ZBTB18: variants seen among roughly 807,000 people sequenced by gnomAD.
ZBTB18 encodes zinc finger and BTB domain-containing protein 18.
A neutral mutation model predicts 37.7 loss-of-function variants in ZBTB18; 2 were observed. That is an observed-to-expected ratio of 0.05 (90% CI 0.02 to 0.17). The LOEUF is 0.17. ZBTB18 is among the 10% of genes least tolerant of loss of function. ZBTB18 has a pLI of 1.00. For synonymous variants in ZBTB18, 304 were observed against 276.5 expected (o/e 1.10, Z -0.99); for missense variants, 408 against 686.3 (o/e 0.59, Z 4.53).
rs1698385830 is a variant in ZBTB18 at position 244,053,142 on chromosome 1, AAGGCATT to A, written c.14-644_14-638del. 6.6e-6 allele frequency among the ~76,000 whole-genome samples: 1 copy of A among 152,216 alleles called. No individual in the cohort carries two copies. Among genetic ancestry groups the A allele is most frequent in the South Asian group, 2.1e-4 (1 of 4,838 alleles). The stretch of plus-strand genomic sequence containing the variant: ...CATGTGTGCTATACCTGCAAATCTG[AAGGCATT>A]AACATCTGTTTTTATACACAGGGCT... On this transcript the variant is annotated intron_variant, in intron 1 of 1. Coordinates refer to ENST00000358704, the MANE Select transcript of ZBTB18 (RefSeq NM_205768.3). The surrounding 1 kb of genome is among the most constrained non-coding windows in gnomAD (Gnocchi z 5.2).
Position 244,054,794 on chromosome 1 carries a change from A to C in ZBTB18, c.1020A>C (p.Lys340Asn). 1 of 1,614,124 alleles carries C rather than the reference A, an allele frequency of 6.2e-7. No homozygotes were observed. The highest frequency in any genetic ancestry group is 8.5e-7 in the Non-Finnish European group (1 of 1,180,024). The change falls in exon 2 of 2, where the codon AAA becomes AAC. Residue 340 changes from lysine (K) to asparagine (N), a missense_variant. Lys to Asn is a moderately conservative substitution (Grantham distance 94). Coordinates refer to ENST00000358704, the MANE Select transcript of ZBTB18 (RefSeq NM_205768.3). This position sits in a 1 kb window ranked among gnomAD's most constrained non-coding sequence, Gnocchi z 9.0. ...TGAGGGAGCTGGACCGGGAGGACAA[A>C]GCCAGTGATGATGAGATGATGACCC... ...SVLRELDRED[K>N]ASDDEMMTPE...
upstream of ZBTB18, among the ~76,000 whole-genome samples, chr1:244,049,729 C>T (rs1698311386): frequency 6.6e-6 from 1 of 152,180 alleles, no homozygotes; most frequent in Non-Finnish European, 1.5e-5. Flanking sequence ...CGGCGAACTA[C>T]GTAAAGATTT....
upstream of ZBTB18, chr1:244,048,917 C>T (rs1698289963): frequency 2.5e-5 from 4 of 159,526 alleles, no homozygotes; most frequent in South Asian, 5.0e-4. Context: ...GCGGCGGCGG[C>T]GGCGGCCGGG....
At chr1:244,048,949 A>AGGACGCGGCGGCGGCGG (rs1698291421), upstream of ZBTB18, 1 of 158,386 alleles carries the variant, frequency 6.3e-6, no homozygotes, top group Non-Finnish European at 1.3e-5. Context: ...GAGGAGGCGG[A>AGGACGCGGCGGCGGCGG]GGACGCGGCG....
Position 244,055,001 on chromosome 1 carries a change from C to A in ZBTB18, c.1227C>A (p.Arg409=). Residue 409 remains arginine, a synonymous_variant, in exon 2 of 2, where the codon CGC becomes CGA. Transcript: ENST00000358704. The surrounding 1 kb of genome is among the most constrained non-coding windows in gnomAD (Gnocchi z 7.0). ...ACTTCCGCGAGCAGGACGGCATCCGCAGCAAGCCCGCCGCCGATGTCAACG... is the reference window on the plus strand; with the variant it reads ...ACTTCCGCGAGCAGGACGGCATCCGAAGCAAGCCCGCCGCCGATGTCAACG... The part of the protein sequence containing the change: ...STHFREQDGI[R]SKPAADVNVP... 1 of 1,614,140 alleles carries A rather than the reference C, an allele frequency of 6.2e-7. No individual in the cohort carries two copies. Among genetic ancestry groups the A allele is most frequent in the Non-Finnish European group, 8.5e-7 (1 of 1,180,034 alleles).
upstream of ZBTB18, among the ~76,000 whole-genome samples, chr1:244,048,652 C>A (rs1405948117): frequency 1.6e-4 from 23 of 147,976 alleles, no homozygotes; most frequent in Admixed American, 4.7e-4. Flanking sequence ...CCCGCCCCCC[C>A]ACCCGGCCCG....
rs1698413953 is a variant in ZBTB18 at position 244,054,449 on chromosome 1, C to T, written c.675C>T (p.Cys225=). ...CTGGAAAAACAGTAGCCAGCCCCTGCAGCTCAACAGAGTCTTTGTCCCAGA... is the reference window on the plus strand; with the variant it reads ...CTGGAAAAACAGTAGCCAGCCCCTGTAGCTCAACAGAGTCTTTGTCCCAGA... The part of the protein sequence containing the change: ...TAAGKTVASP[C]SSTESLSQRS... The change falls in exon 2 of 2, where the codon TGC becomes TGT. Residue 225 remains cysteine, a synonymous_variant. Transcript: ENST00000358704. The surrounding 1 kb of genome is among the most constrained non-coding windows in gnomAD (Gnocchi z 9.0). 2.5e-6 allele frequency: 4 copies of T among 1,614,076 alleles called. No individual in the cohort carries two copies. The South Asian group carries it at 4.4e-5, about 18-fold the overall frequency.
At position 244,053,687 on chromosome 1, in the gene ZBTB18, T is replaced by G; in HGVS notation, c.14-101T>G. ...AGCCTGATTAAAATTCAGGGACATG[T>G]ACCACGGCGGCCAAAGCGGAATTAA... On this transcript the variant is annotated intron_variant, in intron 1 of 1. Transcript: ENST00000358704. The surrounding 1 kb of genome is among the most constrained non-coding windows in gnomAD (Gnocchi z 5.2). 1 of 1,499,814 alleles carries G rather than the reference T, an allele frequency of 6.7e-7. No individual in the cohort carries two copies. Among genetic ancestry groups the G allele is most frequent in the Non-Finnish European group, 8.9e-7 (1 of 1,123,164 alleles). The allele number at this position is 1,499,814 out of a possible 1,614,324, so 92.9% of individuals were successfully genotyped here.
chr1:244,049,498 G>T (rs1383575649), upstream of ZBTB18, among the ~76,000 whole-genome samples: 3 of 151,546 alleles, frequency 2.0e-5, no homozygotes, highest in South Asian at 4.1e-4. Context: ...TGGTGCAGTT[G>T]CCCGGAGGCC....
rs561551983 is a variant in ZBTB18, at chr1:244,055,519, A to C, written c.*149A>C. ...TTTTGCACTTTAGAATAGCATGAGA[A>C]TCTCACTAATTTAGCATTCTGATAA... is the stretch of plus-strand genomic sequence containing the variant. On this transcript the variant is annotated 3_prime_UTR_variant, in exon 2 of 2. Transcript: ENST00000358704. This position sits in a 1 kb window ranked among gnomAD's most constrained non-coding sequence, Gnocchi z 7.0. The C allele has an allele frequency of 5.2e-5, 11 of 213,138 alleles. No homozygotes were observed. Among genetic ancestry groups the C allele is most frequent in the African/African-American group, 2.3e-4 (10 of 42,640 alleles). 13.2% of individuals were successfully genotyped at this position (213,138 alleles called of 1,614,324 possible).
intron 1 of ZBTB18, among the ~76,000 whole-genome samples, chr1:244,052,086 G>T (rs1473834144): frequency 6.6e-6 from 1 of 152,086 alleles, no homozygotes; most frequent in East Asian, 1.9e-4. Flanking sequence ...TTGTGTTAGC[G>T]ACTAATTTAG....
chr1:244,055,297 A>G lies in ZBTB18; in HGVS notation c.1523A>G (p.Lys508Arg), dbSNP rs765539721. 6 of 1,613,576 alleles carry G rather than the reference A, an allele frequency of 3.7e-6. No homozygotes were observed. The highest frequency in any genetic ancestry group is 2.2e-5 in the East Asian group (1 of 44,880). Residue 508 changes from lysine (K) to arginine (R), a missense_variant, in exon 2 of 2, where the codon AAA (lysine) becomes AGA (arginine). By Grantham distance (26) the Lys-to-Arg change is conservative. This residue lies in a region of ZBTB18 where 22 missense variants were observed against 38.3 expected (regional missense o/e 0.57). Coordinates refer to ENST00000358704, the MANE Select transcript of ZBTB18 (RefSeq NM_205768.3). This position sits in a 1 kb window ranked among gnomAD's most constrained non-coding sequence, Gnocchi z 7.0. The part of the protein sequence containing the change: ...HCELVNSLSV[K>R]SEALSLPTVR... The stretch of plus-strand genomic sequence containing the variant: ...GAGTTGGTGAACTCCTTGTCGGTCA[A>G]AAGCGAAGCACTGAGCTTGCCTACT...
chr1:244,048,685 GCTCGCTCCC>G (rs1698285166), upstream of ZBTB18, among the ~76,000 whole-genome samples: 1 of 120,522 alleles, frequency 8.3e-6, no homozygotes, highest in Admixed American at 9.2e-5. Flanking sequence ...TCGCTCCCTC[GCTCGCTCCC>G]TCGCTGTGTC....
Position 244,054,027 on chromosome 1 carries a change from G to A in ZBTB18, c.253G>A (p.Ala85Thr), listed in dbSNP as rs755047520. The change falls in exon 2 of 2, where the codon GCT becomes ACT. Residue 85 changes from alanine (A) to threonine (T), a missense_variant. Ala to Thr is a moderately conservative substitution (Grantham distance 58). Coordinates refer to ENST00000358704, the MANE Select transcript of ZBTB18 (RefSeq NM_205768.3). This position sits in a 1 kb window ranked among gnomAD's most constrained non-coding sequence, Gnocchi z 9.0. ...CGACATTGTTACAGCCCCCGCTTTC[G>A]CTCTCCTGCTTGAATTCATGTATGA... ...NSDIVTAPAF[A>T]LLLEFMYEGK... 1.1e-5 allele frequency: 18 copies of A among 1,613,870 alleles called. No homozygotes were observed. Among genetic ancestry groups the A allele is most frequent in the East Asian group, 2.2e-5 (1 of 44,872 alleles).
intron 1 of ZBTB18, among the ~76,000 whole-genome samples, chr1:244,051,731 T>A (rs561950138): frequency 6.6e-6 from 1 of 152,352 alleles, no homozygotes; most frequent in East Asian, 1.9e-4. Flanking sequence ...ATTAAAATGC[T>A]TTTTTGTTGT....
intron 1 of ZBTB18, among the ~76,000 whole-genome samples, chr1:244,051,750 A>G (rs1485260280): frequency 1.3e-5 from 2 of 152,168 alleles, no homozygotes; most frequent in Admixed American, 6.6e-5. Context: ...GTTCACTGCT[A>G]TTTAGATTTG....
At chr1:244,049,943 T>C (rs1698315579), upstream of ZBTB18, among the ~76,000 whole-genome samples, 1 of 152,138 alleles carries the variant, frequency 6.6e-6, no homozygotes, top group Non-Finnish European at 1.5e-5. Context: ...GATTAATGTC[T>C]GATATATTGG....
upstream of ZBTB18, among the ~76,000 whole-genome samples, chr1:244,050,991 T>G (rs1312778964): frequency 6.6e-6 from 1 of 152,224 alleles, no homozygotes; most frequent in African/African-American, 2.4e-5. Flanking sequence ...GTCCACCAAC[T>G]TAAGACAGAA....
At chr1:244,048,628 G>GCCCCCCCC (rs1325001619), upstream of ZBTB18, among the ~76,000 whole-genome samples, 13 of 79,488 alleles carry the variant, frequency 1.6e-4, no homozygotes, top group Non-Finnish European at 2.1e-4. Context: ...CCCCGCGCCC[G>GCCCCCCCC]CCCCCCCCCC....
Sources: gnomAD v4.1 joint callset for allele counts (sites outside exome capture counted in the v4.1 genomes callset) on GRCh38, gnomAD v4.1.1 for gene constraint, gnomAD v4.1.1 regional missense constraint, Gnocchi (gnomAD v3.1) non-coding constraint, MANE v1.5 for transcripts, NCBI Gene and HGNC (gene_info 2026-07-23, HGNC 2026-07-21) for gene names.